The following CMSS1 variants were observed in gnomAD, a reference collection of about 807,000 sequenced individuals.
The protein encoded by CMSS1 is cms1 ribosomal small subunit homolog, also known as protein CMSS1.
A neutral mutation model predicts 43.5 loss-of-function variants in CMSS1; 33 were observed. The observed-to-expected ratio is 0.76, with a 90% CI of 0.57 to 1.01. The LOEUF (loss-of-function observed/expected upper bound fraction) is 1.01. Among genes scored for constraint, CMSS1 ranks in the 50% least tolerant of loss-of-function variants. The probability of loss-of-function intolerance (pLI) is 0.00; values close to 1 mark genes in which losing one functional copy is unlikely to be tolerated. For missense variants in CMSS1, 313 were observed against 326.4 expected (o/e 0.96, Z 0.32); for synonymous variants, 115 against 117.2 (o/e 0.98, Z 0.12).
chr3:99,857,358 C>T (rs1214135225), intron 1 of CMSS1, among the ~76,000 whole-genome samples: 2 of 152,164 alleles, frequency 1.3e-5, no homozygotes, highest in Admixed American at 6.6e-5. Context: ...TCTTCAGATC[C>T]CTGCATTAGA....
intron 1 of CMSS1, among the ~76,000 whole-genome samples, chr3:99,995,790 T>G (rs1415291444): frequency 6.6e-6 from 1 of 152,166 alleles, no homozygotes; most frequent in African/African-American, 2.4e-5. Context: ...CAGCTCAAGG[T>G]CTGCGTTGGC....
intron 2 of CMSS1, among the ~76,000 whole-genome samples, chr3:100,153,324 T>G (rs939727061): frequency 2.0e-5 from 3 of 152,372 alleles, no homozygotes; most frequent in East Asian, 1.9e-4. Context: ...TGTTTAAGGC[T>G]TCTTTCATTC....
chr3:99,832,984 A>C (rs1942746847), intron 1 of CMSS1, among the ~76,000 whole-genome samples: 1 of 152,018 alleles, frequency 6.6e-6, no homozygotes, highest in Non-Finnish European at 1.5e-5. Context: ...AGCTCCAAGA[A>C]AGTTTTGTCC....
intron 1 of CMSS1, among the ~76,000 whole-genome samples, chr3:99,988,945 C>T (rs994570641): frequency 6.6e-5 from 10 of 152,126 alleles, no homozygotes; most frequent in Admixed American, 1.3e-4. Flanking sequence ...AATTTCTGTA[C>T]GGAATTATCA....
At chr3:100,048,565 G>T (rs9851645) in intron 1 of CMSS1, among the ~76,000 whole-genome samples, 1 of 152,120 alleles carries the variant, frequency 6.6e-6, no homozygotes, top group South Asian at 2.1e-4. Flanking sequence ...CACAGTGTCA[G>T]GGGAGAAACT....
chr3:99,827,294 C>T (rs915677053), intron 1 of CMSS1, among the ~76,000 whole-genome samples: 3 of 152,088 alleles, frequency 2.0e-5, no homozygotes, highest in African/African-American at 7.2e-5. Context: ...CAGACTCAAG[C>T]GATTCTCGTG....
intron 1 of CMSS1, chr3:100,141,385 C>T: frequency 3.7e-6 from 1 of 269,452 alleles, no homozygotes; most frequent in South Asian, 3.8e-5. Context: ...CCCAGCCATC[C>T]AGCACTACTC....
intron 1 of CMSS1, among the ~76,000 whole-genome samples, chr3:99,991,122 A>C (rs928825373): frequency 6.6e-6 from 1 of 152,204 alleles, no homozygotes; most frequent in African/African-American, 2.4e-5. Flanking sequence ...ATCTCCCCCC[A>C]TAATGGAATA....
chr3:99,944,812 T>C (rs1707959547), intron 1 of CMSS1, among the ~76,000 whole-genome samples: 1 of 152,082 alleles, frequency 6.6e-6, no homozygotes, highest in Admixed American at 6.5e-5. Context: ...AAAATTAAAG[T>C]AGCCAGTATC....
chr3:100,000,198 C>T (rs1184952908), intron 1 of CMSS1, among the ~76,000 whole-genome samples: 1 of 152,200 alleles, frequency 6.6e-6, no homozygotes, highest in East Asian at 1.9e-4. Flanking sequence ...TCTGATCCTT[C>T]AGGTCTCTAT....
chr3:99,978,031 C>G (rs566382330), intron 1 of CMSS1, among the ~76,000 whole-genome samples: 1 of 152,210 alleles, frequency 6.6e-6, no homozygotes, highest in East Asian at 1.9e-4. Flanking sequence ...ATAATTCCAC[C>G]TAAAGTCATT....
intron 5 of CMSS1, 41 bp from the exon 6 acceptor site, chr3:100,167,697 T>C: frequency 7.3e-7 from 1 of 1,370,734 alleles, no homozygotes; most frequent in African/African-American, 1.4e-5. Context: ...GTGCCCTGTT[T>C]TGCCATATTT....
chr3:99,862,435 A>G (rs961418562), intron 1 of CMSS1, among the ~76,000 whole-genome samples: 4 of 152,182 alleles, frequency 2.6e-5, no homozygotes, highest in Non-Finnish European at 5.9e-5. Context: ...CTTTTCAGCT[A>G]TGCACATGGT....
chr3:99,972,297 G>A (rs1005968113), intron 1 of CMSS1, among the ~76,000 whole-genome samples: 21 of 152,208 alleles, frequency 1.4e-4, no homozygotes, highest in Non-Finnish European at 2.9e-5. Flanking sequence ...TTCATTTGCC[G>A]AATTGACTTA....
intron 9 of CMSS1, 39 bp from the exon 10 acceptor site, chr3:100,178,266 T>G: frequency 7.3e-7 from 1 of 1,367,808 alleles, no homozygotes; most frequent in South Asian, 1.2e-5. Flanking sequence ...CATTTTGGCT[T>G]GATCTTAATC....
At chr3:100,120,171 C>G (rs1271736373) in intron 1 of CMSS1, among the ~76,000 whole-genome samples, 1 of 152,224 alleles carries the variant, frequency 6.6e-6, no homozygotes, top group Admixed American at 6.5e-5. Context: ...TGCCAAAATA[C>G]CAGGTGACAG....
intron 1 of CMSS1, among the ~76,000 whole-genome samples, chr3:99,823,213 A>G (rs186176500): frequency 6.6e-6 from 1 of 152,364 alleles, no homozygotes; most frequent in East Asian, 1.9e-4. Flanking sequence ...GGAGCTACAA[A>G]TAAGCAGCTT....
intron 1 of CMSS1, among the ~76,000 whole-genome samples, chr3:99,965,700 C>T (rs2107709618): frequency 6.6e-6 from 1 of 152,300 alleles, no homozygotes; most frequent in Admixed American, 6.5e-5. Context: ...CCTGCTCATC[C>T]TGTGGAACAT....
chr3:99,928,435 T>C (rs983136540), intron 1 of CMSS1, among the ~76,000 whole-genome samples: 15 of 152,148 alleles, frequency 9.9e-5, no homozygotes, highest in African/African-American at 3.4e-4. Context: ...GGTGTATGTA[T>C]ATAGGGGTAT....
Sources: gnomAD v4.1 joint callset for allele counts (sites outside exome capture counted in the v4.1 genomes callset) on GRCh38, gnomAD v4.1.1 for gene constraint, MANE v1.5 for transcripts, NCBI Gene and HGNC (gene_info 2026-07-23, HGNC 2026-07-21) for gene names.